CNTNAP5: variants seen among roughly 807,000 people sequenced by gnomAD.
CNTNAP5 encodes the protein contactin associated protein family member 5.
CNTNAP5 carries 72 observed loss-of-function variants against 150.2 expected under a neutral mutation model. The ratio of observed to expected loss-of-function variants is 0.48; its 90% CI spans 0.40 to 0.58. The LOEUF is 0.58. Ranked by LOEUF, CNTNAP5 falls within the 20% of genes least tolerant of loss-of-function variation. The pLI is 0.00. For missense variants in CNTNAP5, 1,636 were observed against 1,626.2 expected (o/e 1.01, Z -0.10); for synonymous variants, 672 against 619.8 (o/e 1.08, Z -1.25).
intron 3 of CNTNAP5, among the ~76,000 whole-genome samples, chr2:124,341,030 A>G (rs1689602504): frequency 6.6e-6 from 1 of 151,794 alleles, no homozygotes; most frequent in South Asian, 2.1e-4. Flanking sequence ...GTGAGCTATG[A>G]CTGTGCCACT....
chr2:124,037,768 A>G (rs183395134), intron 1 of CNTNAP5, among the ~76,000 whole-genome samples: 37 of 152,330 alleles, frequency 2.4e-4, no homozygotes, highest in Non-Finnish European at 4.7e-4. Context: ...TTTGTACAGC[A>G]AGGTGACTAT....
chr2:124,556,685 G>A, intron 10 of CNTNAP5, among the ~76,000 whole-genome samples: 1 of 152,218 alleles, frequency 6.6e-6, no homozygotes, highest in South Asian at 2.1e-4. Context: ...AGTCAGGACA[G>A]CTTCTGAAGG....
chr2:124,312,136 A>G (rs1313661168), intron 3 of CNTNAP5, among the ~76,000 whole-genome samples: 1 of 152,202 alleles, frequency 6.6e-6, no homozygotes, highest in Non-Finnish European at 1.5e-5. Flanking sequence ...TAAAACCAGC[A>G]TTTCATATGG....
chr2:124,600,731 CAGAGAGAGAG>C (rs374118230), intron 11 of CNTNAP5, among the ~76,000 whole-genome samples: 13 of 124,058 alleles, frequency 1.0e-4, no homozygotes, highest in South Asian at 3.2e-4. Flanking sequence ...CAACAATACT[CAGAGAGAGAG>C]AGAGAGAGAG....
In CNTNAP5 at chr2:124,504,327, T is replaced by A. The variant is rs752759216; in HGVS notation, c.1098T>A (p.Ile366=). 1 of 1,613,934 alleles carries A rather than the reference T, an allele frequency of 6.2e-7. No homozygotes were observed. The highest frequency in any genetic ancestry group is 1.7e-5 in the Admixed American group (1 of 60,022). ...CTTTTTCCTGCTCCGAACCACAGAT[T>A]GTGCCCATCACATTTGTCAACTCCA... is the stretch of plus-strand genomic sequence containing the variant. ...NVTFSCSEPQ[I]VPITFVNSSG... Residue 366 remains isoleucine (I), a synonymous_variant, in exon 8 of 24, where the codon ATT becomes ATA. Coordinates refer to ENST00000682447, the MANE Select transcript of CNTNAP5 (RefSeq NM_001367498.1).
intron 3 of CNTNAP5, among the ~76,000 whole-genome samples, chr2:124,301,810 G>A (rs948243446): frequency 2.6e-5 from 4 of 152,128 alleles, no homozygotes; most frequent in Non-Finnish European, 4.4e-5. Context: ...TATTGTTGGA[G>A]GACACTCACC....
At chr2:124,124,035 G>A (rs910849675) in intron 1 of CNTNAP5, among the ~76,000 whole-genome samples, 5 of 152,124 alleles carry the variant, frequency 3.3e-5, no homozygotes, top group Non-Finnish European at 5.9e-5. Flanking sequence ...CTCCAGCAAC[G>A]GAACAAAGCT....
chr2:124,198,250 C>G (rs1467080061), intron 1 of CNTNAP5, among the ~76,000 whole-genome samples: 1 of 151,898 alleles, frequency 6.6e-6, no homozygotes, highest in African/African-American at 2.4e-5. Flanking sequence ...TGCCTTCTTT[C>G]AAATCGATTT....
At chr2:124,865,614 C>G (rs1677615218) in intron 20 of CNTNAP5, among the ~76,000 whole-genome samples, 178 bp downstream of exon 20, 2 of 152,208 alleles carry the variant, frequency 1.3e-5, no homozygotes, top group Non-Finnish European at 2.9e-5. Flanking sequence ...CTTCCCATGT[C>G]CCACCAGTAT....
chr2:124,495,440 AC>A (rs1694120438), intron 7 of CNTNAP5, among the ~76,000 whole-genome samples: 1 of 152,226 alleles, frequency 6.6e-6, no homozygotes, highest in Admixed American at 6.5e-5. Flanking sequence ...AAGACAAGAG[AC>A]CATCTCTGAG....
intron 4 of CNTNAP5, among the ~76,000 whole-genome samples, chr2:124,427,957 G>A (rs752046027): frequency 6.6e-6 from 1 of 151,984 alleles, no homozygotes. Flanking sequence ...TATTCCTTAG[G>A]TCTGCAGTGA....
At position 124,173,027 on chromosome 2, in the gene CNTNAP5, A is replaced by T. The variant is rs112697845; in HGVS notation, c.83-48678A>T. On this transcript the variant is annotated intron_variant, in intron 1 of 23. Transcript: ENST00000682447. The stretch of plus-strand genomic sequence containing the variant: ...GGTAATTCTCACACATTTTTCACAC[A>T]GTTATTATTATAACTGTTATGGTGA... Among the ~76,000 whole-genome samples, 511 of 152,238 alleles carry T rather than the reference A, an allele frequency of 3.4e-3. 3 individuals carry two copies. Among genetic ancestry groups the T allele is most frequent in the African/African-American group, 0.011 (468 of 41,546 alleles).
intron 2 of CNTNAP5, among the ~76,000 whole-genome samples, chr2:124,225,227 G>T (rs1353621071): frequency 6.6e-6 from 1 of 152,050 alleles, no homozygotes; most frequent in African/African-American, 2.4e-5. Context: ...AATGTTCTGA[G>T]CCCTTAAGGT....
chr2:124,120,972 G>T (rs1340026494), intron 1 of CNTNAP5, among the ~76,000 whole-genome samples: 3 of 152,064 alleles, frequency 2.0e-5, no homozygotes, highest in Non-Finnish European at 4.4e-5. Context: ...AAATTTTGGT[G>T]TAAGAAAGGT....
At chr2:124,395,141 T>C (rs564290415) in intron 3 of CNTNAP5, among the ~76,000 whole-genome samples, 2 of 152,332 alleles carry the variant, frequency 1.3e-5, no homozygotes, top group Admixed American at 1.3e-4. Context: ...ATGAGATTTC[T>C]GCTCTAAAAA....
At chr2:124,518,079 A>C (rs553483175) in intron 8 of CNTNAP5, among the ~76,000 whole-genome samples, 1 of 152,022 alleles carries the variant, frequency 6.6e-6, no homozygotes, top group East Asian at 1.9e-4. Flanking sequence ...ACTCCTAACA[A>C]ATAATAAGCC....
intron 11 of CNTNAP5, among the ~76,000 whole-genome samples, chr2:124,595,144 G>A (rs950220093): frequency 1.2e-3 from 183 of 148,272 alleles, no homozygotes; most frequent in African/African-American, 4.2e-3. Context: ...TCTCCTGCCT[G>A]ATTGCCCTGG....
At chr2:124,704,361 G>T (rs78643090) in intron 13 of CNTNAP5, among the ~76,000 whole-genome samples, 16,652 of 152,014 alleles carry the variant, frequency 0.11, 1,016 homozygotes, top group Non-Finnish European at 0.14. Context: ...TCTTTCTTCT[G>T]ATTTTTTAAA....
At chr2:124,852,592 A>G (rs1683180055) in intron 19 of CNTNAP5, among the ~76,000 whole-genome samples, 1 of 152,234 alleles carries the variant, frequency 6.6e-6, no homozygotes, top group African/African-American at 2.4e-5. Context: ...ATCATTAAAC[A>G]TTTTAAGTAG....
Sources: gnomAD v4.1 joint callset for allele counts (sites outside exome capture counted in the v4.1 genomes callset) on GRCh38, gnomAD v4.1.1 for gene constraint, MANE v1.5 for transcripts, NCBI Gene and HGNC (gene_info 2026-07-23, HGNC 2026-07-21) for gene names.